DLG2: variants seen among roughly 807,000 people sequenced by gnomAD.
DLG2 encodes the protein discs large MAGUK scaffold protein 2.
Under a neutral mutation model 132.5 loss-of-function variants are expected in DLG2, and 45 were observed. The ratio of observed to expected loss-of-function variants is 0.34; its 90% CI spans 0.27 to 0.44. The LOEUF (loss-of-function observed/expected upper bound fraction) is 0.44. Among genes scored for constraint, DLG2 ranks in the 20% least tolerant of loss-of-function variants. The pLI is 1.00. For missense variants in DLG2, 1,045 were observed against 1,196.9 expected, an observed-to-expected ratio of 0.87 and a Z score of 1.87; for synonymous variants, 424 against 419.6, an observed-to-expected ratio of 1.01 and a Z score of -0.13.
intron 7 of DLG2, among the ~76,000 whole-genome samples, chr11:84,504,798 T>C (rs2099233729): frequency 6.8e-6 from 1 of 146,946 alleles, no homozygotes; most frequent in South Asian, 2.2e-4. Context: ...AAAGTCAATG[T>C]GTTGACTCCA....
chr11:83,958,271 A>T (rs954099198), intron 14 of DLG2, among the ~76,000 whole-genome samples: 4 of 152,188 alleles, frequency 2.6e-5, no homozygotes, highest in African/African-American at 7.2e-5. Flanking sequence ...GACTGATGAG[A>T]TTATGTCTGT....
chr11:84,367,188 A>G (rs1219718618), intron 7 of DLG2, among the ~76,000 whole-genome samples: 1 of 152,186 alleles, frequency 6.6e-6, no homozygotes, highest in African/African-American at 2.4e-5. Context: ...CTACATGGAA[A>G]CTAAACAACC....
chr11:84,464,376 T>C (rs1384512985), intron 7 of DLG2, among the ~76,000 whole-genome samples: 1 of 151,164 alleles, frequency 6.6e-6, no homozygotes, highest in Non-Finnish European at 1.5e-5. Flanking sequence ...GTGTGGTGGT[T>C]TGCCAGACAG....
intron 6 of DLG2, among the ~76,000 whole-genome samples, chr11:84,934,692 C>T (rs2048535790): frequency 6.6e-6 from 1 of 151,570 alleles, no homozygotes; most frequent in Admixed American, 6.6e-5. Flanking sequence ...TACGCCCTTC[C>T]AAGATTGAAC....
chr11:83,870,235 T>C (rs1480480497), intron 16 of DLG2, among the ~76,000 whole-genome samples: 1 of 152,210 alleles, frequency 6.6e-6, no homozygotes, highest in African/African-American at 2.4e-5. Flanking sequence ...ATCAACAGAA[T>C]AATGTACATT....
intron 7 of DLG2, among the ~76,000 whole-genome samples, chr11:84,418,640 A>G (rs2098938020): frequency 1.3e-5 from 2 of 152,224 alleles, no homozygotes; most frequent in Admixed American, 6.5e-5. Context: ...TGTTCATGCA[A>G]TTAGGTGCTG....
intron 8 of DLG2, among the ~76,000 whole-genome samples, chr11:84,174,336 C>T (rs556856719): frequency 6.6e-6 from 1 of 152,078 alleles, no homozygotes; most frequent in South Asian, 2.1e-4. Flanking sequence ...TAAAATGTTT[C>T]ATCAAGGAAT....
In DLG2 at chr11:84,814,190, T is replaced by A. The variant is rs998253676; in HGVS notation, c.358-279459A>T. Among the ~76,000 whole-genome samples the A allele has an allele frequency of 9.9e-5, 15 of 152,082 alleles. 1 individual carries two copies. Among genetic ancestry groups the A allele is most frequent in the African/African-American group, 3.1e-4 (13 of 41,438 alleles). ...GCAGTGGATTGCTGAGCTGTGATCATTCATGTGAATTAGTTAGAGACTGTG... is the reference window on the plus strand; with the variant it reads ...GCAGTGGATTGCTGAGCTGTGATCAATCATGTGAATTAGTTAGAGACTGTG... On this transcript the variant is annotated intron_variant, in intron 6 of 27. Transcript: ENST00000376104.
intron 6 of DLG2, among the ~76,000 whole-genome samples, chr11:84,902,829 T>A (rs1246589997): frequency 6.6e-6 from 1 of 152,156 alleles, no homozygotes; most frequent in East Asian, 1.9e-4. Context: ...CATAATCTTT[T>A]CCGCTATCCA....
intron 19 of DLG2, among the ~76,000 whole-genome samples, chr11:83,597,239 A>C (rs532716413): frequency 6.6e-6 from 1 of 152,336 alleles, no homozygotes; most frequent in Non-Finnish European, 1.5e-5. Flanking sequence ...ATCAAAATTA[A>C]GTAGCAGGAT....
chr11:83,789,286 C>T (rs1329657692), intron 17 of DLG2, among the ~76,000 whole-genome samples: 1 of 129,960 alleles, frequency 7.7e-6, no homozygotes, highest in Admixed American at 1.0e-4. Context: ...TCAACACTAT[C>T]TTTTGAAAAT....
chr11:85,311,856 C>T (rs1260720779), intron 3 of DLG2, among the ~76,000 whole-genome samples: 1 of 151,984 alleles, frequency 6.6e-6, no homozygotes, highest in Non-Finnish European at 1.5e-5. Flanking sequence ...AAAGCCTTCT[C>T]GCCACCCTAG....
chr11:84,811,035 TG>T (rs1277316694), intron 6 of DLG2, among the ~76,000 whole-genome samples: 7 of 152,136 alleles, frequency 4.6e-5, no homozygotes, highest in African/African-American at 1.4e-4. Context: ...ATTGTAATAT[TG>T]TGCTGTAGAC....
chr11:84,563,610 T>C (rs2099436947), intron 6 of DLG2, among the ~76,000 whole-genome samples: 1 of 152,130 alleles, frequency 6.6e-6, no homozygotes, highest in Admixed American at 6.5e-5. Flanking sequence ...TGTCTGTGTT[T>C]TAGGTTGAAG....
intron 7 of DLG2, among the ~76,000 whole-genome samples, chr11:84,464,939 C>T (rs1358859800): frequency 6.6e-6 from 1 of 150,920 alleles, no homozygotes; most frequent in Non-Finnish European, 1.5e-5. Flanking sequence ...TAAATATAAA[C>T]AAAAAAATCC....
intron 11 of DLG2, among the ~76,000 whole-genome samples, chr11:84,031,719 T>C (rs193230848): frequency 1.4e-4 from 22 of 152,280 alleles, no homozygotes; most frequent in Admixed American, 1.1e-3. Flanking sequence ...TTCAAAAACA[T>C]AGTACAGGCC....
At chr11:84,509,944 ATAAAT>A (rs1484598588) in intron 7 of DLG2, among the ~76,000 whole-genome samples, 1 of 151,928 alleles carries the variant, frequency 6.6e-6, no homozygotes, top group Admixed American at 6.6e-5. Context: ...AATTAAGAAA[ATAAAT>A]TAAACCTTAT....
chr11:84,173,933 T>G (rs970992614), intron 8 of DLG2, among the ~76,000 whole-genome samples: 1 of 150,212 alleles, frequency 6.7e-6, no homozygotes, highest in Non-Finnish European at 1.5e-5. Context: ...TTTATTTTAC[T>G]CCTGCCAGAT....
chr11:85,185,615 C>T (rs1474690509), intron 4 of DLG2, among the ~76,000 whole-genome samples: 1 of 151,474 alleles, frequency 6.6e-6, no homozygotes, highest in Non-Finnish European at 1.5e-5. Context: ...CTCTTTTTTC[C>T]ACCCTTCTAT....
Sources: gnomAD v4.1 joint callset for allele counts (sites outside exome capture counted in the v4.1 genomes callset) on GRCh38, gnomAD v4.1.1 for gene constraint, MANE v1.5 for transcripts, NCBI Gene and HGNC (gene_info 2026-07-23, HGNC 2026-07-21) for gene names.